ST8SIA4: variants seen among roughly 807,000 people sequenced by gnomAD.
ST8SIA4 encodes the protein ST8 alpha-N-acetyl-neuraminide alpha-2,8-sialyltransferase 4.
Under a neutral mutation model 33.9 loss-of-function variants are expected in ST8SIA4, and 15 were observed. That is an observed-to-expected ratio of 0.44 (90% CI 0.30 to 0.68). The LOEUF (loss-of-function observed/expected upper bound fraction) is 0.68. ST8SIA4 is among the 30% of genes least tolerant of loss of function. The pLI is 0.10. For missense variants in ST8SIA4, 321 were observed against 428.0 expected (o/e 0.75, Z 2.21); for synonymous variants, 171 against 151.2 (o/e 1.13, Z -0.96).
At chr5:100,863,601 G>A (rs1399125611) in intron 3 of ST8SIA4, among the ~76,000 whole-genome samples, 5 of 151,986 alleles carry the variant, frequency 3.3e-5, no homozygotes, top group African/African-American at 1.2e-4. Context: ...AATGTACCCA[G>A]TATGAACAAC....
chr5:100,850,798 T>TAA (rs1405482280), intron 4 of ST8SIA4, among the ~76,000 whole-genome samples: 1 of 102,508 alleles, frequency 9.8e-6, no homozygotes, highest in Admixed American at 9.4e-5. Flanking sequence ...TATATATATA[T>TAA]AACATGTGTG....
chr5:100,861,722 G>A (rs1751949826), intron 3 of ST8SIA4, among the ~76,000 whole-genome samples: 1 of 152,162 alleles, frequency 6.6e-6, no homozygotes, highest in African/African-American at 2.4e-5. Flanking sequence ...GGGCAATGGA[G>A]TTCACATCAA....
chr5:100,882,911 T>A (rs1752455982), intron 3 of ST8SIA4, among the ~76,000 whole-genome samples: 1 of 152,220 alleles, frequency 6.6e-6, no homozygotes. Context: ...TAGGCAGAAG[T>A]TCGCTGCAGG....
chr5:100,868,618 C>T (rs557679246), intron 3 of ST8SIA4, among the ~76,000 whole-genome samples: 3 of 152,092 alleles, frequency 2.0e-5, no homozygotes, highest in South Asian at 4.1e-4. Flanking sequence ...CCCTCCCCTA[C>T]CCAGAATTTT....
intron 3 of ST8SIA4, among the ~76,000 whole-genome samples, chr5:100,857,994 A>T (rs1751854744): frequency 6.6e-6 from 1 of 152,058 alleles, no homozygotes; most frequent in South Asian, 2.1e-4. Flanking sequence ...ATTATTAGAT[A>T]TTATTCATTC....
intron 4 of ST8SIA4, among the ~76,000 whole-genome samples, chr5:100,812,884 A>G (rs1222664470): frequency 6.6e-6 from 1 of 152,170 alleles, no homozygotes; most frequent in East Asian, 1.9e-4. Flanking sequence ...GGAAGGAAGG[A>G]GACTTCCAAT....
At chr5:100,840,120 C>T (rs79544468) in intron 4 of ST8SIA4, among the ~76,000 whole-genome samples, 2 of 151,768 alleles carry the variant, frequency 1.3e-5, no homozygotes, top group African/African-American at 4.8e-5. Flanking sequence ...CAGTGAGACA[C>T]AGCAACATTG....
intron 3 of ST8SIA4, among the ~76,000 whole-genome samples, chr5:100,862,573 T>C (rs1313487758): frequency 1.3e-5 from 2 of 151,872 alleles, no homozygotes; most frequent in Non-Finnish European, 2.9e-5. Context: ...ATTTTTTTTT[T>C]GTATTTTTAG....
rs1187238712 is a variant in ST8SIA4, at chr5:100,811,907, T to G, written c.1020A>C (p.Leu340Phe). ...PHRMPLEFKT[L>F]NVLHNRGALK... The stretch of plus-strand genomic sequence containing the variant: ...GAGCTCCTCTATTATGTAGCACATT[T>G]AATGTTTTGAATTCTAATGGCATTC... Residue 340 changes from leucine (L) to phenylalanine (F), a missense_variant, in exon 5 of 5, where the codon TTA becomes TTC. Transcript: ENST00000231461. The G allele has an allele frequency of 6.2e-7, 1 of 1,614,150 alleles. No homozygotes were observed. Among genetic ancestry groups the G allele is most frequent in the Non-Finnish European group, 8.5e-7 (1 of 1,179,998 alleles).
At position 100,856,346 on chromosome 5, in the gene ST8SIA4, G is replaced by A; in HGVS notation, c.554C>T (p.Ser185Leu). ...TGATGGATTCATGGTAATAAAATCTGATTTAGTTCCCACATCTGCAGCAAA... is the reference window on the plus strand; with the variant it reads ...TGATGGATTCATGGTAATAAAATCTAATTTAGTTCCCACATCTGCAGCAAA... ...VEFAADVGTK[S>L]DFITMNPSVV... The change falls in exon 4 of 5, where the codon TCA becomes TTA. Residue 185 changes from serine to leucine, a missense_variant. Ser to Leu is a moderately radical substitution (Grantham distance 145). Coordinates refer to ENST00000231461, the MANE Select transcript of ST8SIA4 (RefSeq NM_005668.6). The A allele has an allele frequency of 6.2e-7, 1 of 1,613,840 alleles. No individual in the cohort carries two copies. The highest frequency in any genetic ancestry group is 8.5e-7 in the Non-Finnish European group (1 of 1,179,930).
intron 3 of ST8SIA4, among the ~76,000 whole-genome samples, chr5:100,864,367 G>A (rs1752015511): frequency 6.6e-6 from 1 of 151,956 alleles, no homozygotes; most frequent in Admixed American, 6.6e-5. Flanking sequence ...GAGGTCAGGA[G>A]ATCGAGACTA....
Position 100,811,286 on chromosome 5 carries a change from C to T in ST8SIA4, c.*561G>A, listed in dbSNP as rs1456959672. Reference sequence around the variant, plus strand: ...CATCTCAGAAAGGATTTCTAAGCATCCCAATATCCAAACCAAAAGAGATTC... The same window carrying T: ...CATCTCAGAAAGGATTTCTAAGCATTCCAATATCCAAACCAAAAGAGATTC... On this transcript the variant is annotated 3_prime_UTR_variant, in exon 5 of 5. Transcript: ENST00000231461. 1 of 151,922 alleles carries T rather than the reference C, an allele frequency of 6.6e-6. No individual in the cohort carries two copies. Among genetic ancestry groups the T allele is most frequent in the East Asian group, 1.9e-4 (1 of 5,168 alleles). 9.4% of individuals were successfully genotyped at this position (151,922 alleles called of 1,614,324 possible).
intron 3 of ST8SIA4, among the ~76,000 whole-genome samples, chr5:100,868,574 G>A (rs1355557191): frequency 6.6e-6 from 1 of 151,980 alleles, no homozygotes; most frequent in African/African-American, 2.4e-5. Context: ...AGTAGTTTCA[G>A]TCAAGATTCC....
chr5:100,879,656 T>C (rs568872126), intron 3 of ST8SIA4, among the ~76,000 whole-genome samples: 1 of 152,310 alleles, frequency 6.6e-6, no homozygotes, highest in South Asian at 2.1e-4. Context: ...AATTGTTTCA[T>C]AAGATACATT....
At chr5:100,896,552 T>C (rs1187884878) in intron 1 of ST8SIA4, among the ~76,000 whole-genome samples, 2 of 152,106 alleles carry the variant, frequency 1.3e-5, no homozygotes, top group African/African-American at 2.4e-5. Flanking sequence ...TTGTATATTT[T>C]TAAGTAGCTC....
intron 3 of ST8SIA4, among the ~76,000 whole-genome samples, chr5:100,881,210 C>G (rs1752416493): frequency 6.6e-6 from 1 of 152,094 alleles, no homozygotes; most frequent in South Asian, 2.1e-4. Flanking sequence ...CTCCAGCAAG[C>G]CTATCTTGTT....
intron 4 of ST8SIA4, among the ~76,000 whole-genome samples, chr5:100,831,870 G>A (rs1390779322): frequency 6.6e-6 from 1 of 152,088 alleles, no homozygotes; most frequent in African/African-American, 2.4e-5. Flanking sequence ...TATGGGGAGA[G>A]GGGCTGGAAA....
At chr5:100,901,536 A>G (rs1323284345) in intron 1 of ST8SIA4, among the ~76,000 whole-genome samples, 1 of 152,010 alleles carries the variant, frequency 6.6e-6, no homozygotes, top group Admixed American at 6.5e-5. Context: ...GCTAGATTGG[A>G]TTTTCAAGCC....
intron 4 of ST8SIA4, among the ~76,000 whole-genome samples, chr5:100,844,149 C>T (rs1043059497): frequency 3.3e-5 from 5 of 151,848 alleles, no homozygotes; most frequent in African/African-American, 9.7e-5. Flanking sequence ...TGAGCAAATA[C>T]TTTATAATTT....
Sources: allele counts gnomAD v4.1 joint callset (sites outside exome capture counted in the v4.1 genomes callset), GRCh38; gene constraint gnomAD v4.1.1; transcripts MANE v1.5; gene names NCBI Gene and HGNC (gene_info 2026-07-23, HGNC 2026-07-21).